Variants in CYP7B1 observed in about 807,000 individuals in gnomAD.
The protein encoded by CYP7B1 is cytochrome P450 family 7 subfamily B member 1.
A neutral mutation model predicts 42.7 loss-of-function variants in CYP7B1; 29 were observed. The ratio of observed to expected loss-of-function variants is 0.68; its 90% CI spans 0.51 to 0.93. The LOEUF (loss-of-function observed/expected upper bound fraction) is 0.93, where lower values mean the gene tolerates loss of function less well. Ranked by LOEUF, CYP7B1 falls within the 40% of genes least tolerant of loss-of-function variation. The pLI is 0.00. For missense variants in CYP7B1, 655 were observed against 600.5 expected (o/e 1.09, Z -0.95); for synonymous variants, 235 against 218.2 (o/e 1.08, Z -0.68).
At chr8:64,660,177 A>G (rs1806181020) in intron 1 of CYP7B1, among the ~76,000 whole-genome samples, 2 of 152,212 alleles carry the variant, frequency 1.3e-5, no homozygotes, top group Non-Finnish European at 2.9e-5. Flanking sequence ...AGGTTCACAA[A>G]AGTTAAATAA....
chr8:64,778,189 A>ATATATG (rs1268398997), intron 1 of CYP7B1, among the ~76,000 whole-genome samples: 2 of 146,860 alleles, frequency 1.4e-5, no homozygotes, highest in Non-Finnish European at 3.0e-5. Context: ...ATATATATAT[A>ATATATG]TATATATATA....
At chr8:64,608,550 C>T (rs571458919) in intron 4 of CYP7B1, among the ~76,000 whole-genome samples, 1 of 152,160 alleles carries the variant, frequency 6.6e-6, no homozygotes, top group African/African-American at 2.4e-5. Flanking sequence ...CAGCCAGAAC[C>T]TGCTGCAGTC....
chr8:64,605,099 T>A (rs1805260398), intron 4 of CYP7B1, among the ~76,000 whole-genome samples: 1 of 152,152 alleles, frequency 6.6e-6, no homozygotes, highest in Non-Finnish European at 1.5e-5. Flanking sequence ...GTGTTGTACC[T>A]GGGCAGAAAG....
At chr8:64,706,271 A>C (rs1353547693) in intron 1 of CYP7B1, among the ~76,000 whole-genome samples, 1 of 152,010 alleles carries the variant, frequency 6.6e-6, no homozygotes, top group African/African-American at 2.4e-5. Flanking sequence ...ACATGGTAAA[A>C]CTGACTACTA....
chr8:64,657,504 C>T (rs994442112), intron 1 of CYP7B1, among the ~76,000 whole-genome samples: 1 of 152,158 alleles, frequency 6.6e-6, no homozygotes, highest in Non-Finnish European at 1.5e-5. Context: ...ACATGGCAGA[C>T]ATTTGTATGA....
intron 1 of CYP7B1, among the ~76,000 whole-genome samples, chr8:64,718,236 G>A (rs1807187140): frequency 6.6e-6 from 1 of 152,056 alleles, no homozygotes; most frequent in Non-Finnish European, 1.5e-5. Flanking sequence ...ATTAGCCCAA[G>A]AGTCAATGGT....
chr8:64,601,621 A>T (rs527868114), intron 5 of CYP7B1, among the ~76,000 whole-genome samples: 1 of 152,342 alleles, frequency 6.6e-6, no homozygotes, highest in African/African-American at 2.4e-5. Flanking sequence ...CTTAATATAG[A>T]GGTTGCATGT....
At chr8:64,633,398 C>T (rs954379149) in intron 1 of CYP7B1, among the ~76,000 whole-genome samples, 3 of 152,102 alleles carry the variant, frequency 2.0e-5, no homozygotes, top group Non-Finnish European at 4.4e-5. Context: ...TGAAGTACTA[C>T]AGTAAAGTTG....
chr8:64,741,577 C>G (rs1807568783), intron 1 of CYP7B1, among the ~76,000 whole-genome samples: 1 of 152,198 alleles, frequency 6.6e-6, no homozygotes, highest in Non-Finnish European at 1.5e-5. Flanking sequence ...CTTGGCCTCC[C>G]ATAGCGCTGG....
chr8:64,779,084 C>T (rs544214651), intron 1 of CYP7B1, among the ~76,000 whole-genome samples: 2 of 150,808 alleles, frequency 1.3e-5, no homozygotes, highest in South Asian at 2.1e-4. Flanking sequence ...TTTCTTCTAG[C>T]AATGCTTAAA....
intron 5 of CYP7B1, among the ~76,000 whole-genome samples, chr8:64,601,305 A>C (rs1805199161): frequency 6.6e-6 from 1 of 152,196 alleles, no homozygotes; most frequent in Non-Finnish European, 1.5e-5. Context: ...TTGGAATTAC[A>C]TTGTTATTTC....
At chr8:64,664,114 C>T (rs1032529582) in intron 1 of CYP7B1, among the ~76,000 whole-genome samples, 5 of 152,128 alleles carry the variant, frequency 3.3e-5, no homozygotes, top group African/African-American at 1.2e-4. Flanking sequence ...CACTGCTGTC[C>T]CTCAGAGCAC....
chr8:64,686,108 G>C (rs1311689578), intron 1 of CYP7B1, among the ~76,000 whole-genome samples: 1 of 112,798 alleles, frequency 8.9e-6, no homozygotes, highest in African/African-American at 3.6e-5. Flanking sequence ...AGGTGGGGGG[G>C]TCAGCCCTCC....
At chr8:64,702,918 A>G (rs1806939273) in intron 1 of CYP7B1, among the ~76,000 whole-genome samples, 1 of 152,078 alleles carries the variant, frequency 6.6e-6, no homozygotes. Context: ...CCATATTATA[A>G]TTTTCATAGC....
intron 4 of CYP7B1, among the ~76,000 whole-genome samples, chr8:64,609,818 AT>A (rs979571822): frequency 3.3e-5 from 5 of 152,200 alleles, no homozygotes; most frequent in African/African-American, 4.8e-5. Flanking sequence ...GCTTAAAAAA[AT>A]AAATGCCCCA....
At chr8:64,781,473 T>G (rs886190387) in intron 1 of CYP7B1, among the ~76,000 whole-genome samples, 8 of 152,092 alleles carry the variant, frequency 5.3e-5, no homozygotes, top group African/African-American at 1.9e-4. Flanking sequence ...TTCTGGAGGC[T>G]CCAGGGAAAA....
At chr8:64,700,673 G>A (rs1426124034) in intron 1 of CYP7B1, among the ~76,000 whole-genome samples, 1 of 152,122 alleles carries the variant, frequency 6.6e-6, no homozygotes, top group African/African-American at 2.4e-5. Context: ...TTGATAGCAA[G>A]CATTAGTGAA....
At chr8:64,741,095 T>C (rs1044626456) in intron 1 of CYP7B1, among the ~76,000 whole-genome samples, 1 of 151,612 alleles carries the variant, frequency 6.6e-6, no homozygotes, top group African/African-American at 2.4e-5. Flanking sequence ...TAATATTTAA[T>C]AGTGAAAAAC....
intron 1 of CYP7B1, among the ~76,000 whole-genome samples, chr8:64,718,729 G>A (rs1262054240): frequency 3.3e-5 from 5 of 152,178 alleles, no homozygotes; most frequent in Non-Finnish European, 4.4e-5. Flanking sequence ...AGGCAGACTA[G>A]GTCCCCGTAG....
Sources: allele counts gnomAD v4.1 joint callset (sites outside exome capture counted in the v4.1 genomes callset), GRCh38; gene constraint gnomAD v4.1.1; transcripts MANE v1.5; gene names NCBI Gene and HGNC (gene_info 2026-07-23, HGNC 2026-07-21).